Variants in CNTN5 observed in about 807,000 individuals in gnomAD.
CNTN5 encodes contactin 5.
CNTN5 carries 77 observed loss-of-function variants against 129.1 expected under a neutral mutation model. The observed-to-expected ratio is 0.60, with a 90% CI of 0.50 to 0.72. The LOEUF (loss-of-function observed/expected upper bound fraction) is 0.72, where lower values mean the gene tolerates loss of function less well. Among genes scored for constraint, CNTN5 ranks in the 30% least tolerant of loss-of-function variants. The pLI is 0.00. For synonymous variants in CNTN5, 509 were observed against 465.6 expected (o/e 1.09, Z -1.20); for missense variants, 1,478 against 1,328.8 (o/e 1.11, Z -1.75).
intron 1 of CNTN5, among the ~76,000 whole-genome samples, chr11:99,302,881 A>C (rs1864706949): frequency 6.6e-6 from 1 of 151,472 alleles, no homozygotes; most frequent in African/African-American, 2.4e-5. Context: ...GGAATGGAAC[A>C]CTAGACTTCA....
intron 3 of CNTN5, among the ~76,000 whole-genome samples, chr11:99,617,058 C>A (rs886386388): frequency 1.3e-5 from 2 of 152,162 alleles, no homozygotes; most frequent in African/African-American, 4.8e-5. Flanking sequence ...TTGCAGTGAG[C>A]CAAGATTGTG....
intron 2 of CNTN5, among the ~76,000 whole-genome samples, chr11:99,473,016 G>A (rs574584858): frequency 9.2e-5 from 14 of 152,082 alleles, no homozygotes; most frequent in Admixed American, 3.9e-4. Context: ...ATAAATATTC[G>A]AATTAATTAA....
Position 99,022,758 on chromosome 11 carries a change from G to A in CNTN5, c.-210+1488G>A, listed in dbSNP as rs146514278. ...AAGAATAGAATTTGACAAATAGCTGGAGTGTGAGGGAATGATATTAAAGCC... is the reference window on the plus strand; with the variant it reads ...AAGAATAGAATTTGACAAATAGCTGAAGTGTGAGGGAATGATATTAAAGCC... On this transcript the variant is annotated intron_variant, in intron 1 of 24. Coordinates refer to ENST00000524871, the MANE Select transcript of CNTN5 (RefSeq NM_014361.4). Among the ~76,000 whole-genome samples, 365 of 152,248 alleles carry A rather than the reference G, an allele frequency of 2.4e-3. 1 individual carries two copies. Among genetic ancestry groups the A allele is most frequent in the African/African-American group, 8.4e-3 (350 of 41,564 alleles).
At chr11:99,750,909 G>A (rs7111790) in intron 3 of CNTN5, among the ~76,000 whole-genome samples, 32,547 of 152,066 alleles carry the variant, frequency 0.21, 4,355 homozygotes, top group East Asian at 0.63. Context: ...TTAGAAAGCA[G>A]ATTTAACTAT....
At chr11:99,979,893 G>A (rs959365650) in intron 8 of CNTN5, among the ~76,000 whole-genome samples, 38 of 152,284 alleles carry the variant, frequency 2.5e-4, no homozygotes, top group Admixed American at 9.2e-4. Context: ...CCTGGCTCTG[G>A]CATTTAAGAG....
intron 13 of CNTN5, among the ~76,000 whole-genome samples, chr11:100,175,823 C>T (rs1193626442): frequency 6.6e-6 from 1 of 152,122 alleles, no homozygotes; most frequent in Non-Finnish European, 1.5e-5. Flanking sequence ...ATGTCTGACA[C>T]ATGAGGTGAT....
At chr11:99,437,473 A>G (rs887185948) in intron 2 of CNTN5, among the ~76,000 whole-genome samples, 1 of 152,244 alleles carries the variant, frequency 6.6e-6, no homozygotes, top group Non-Finnish European at 1.5e-5. Context: ...AAACACTTAA[A>G]CAATATTTCC....
intron 1 of CNTN5, among the ~76,000 whole-genome samples, chr11:99,210,015 A>G (rs1859685559): frequency 6.6e-6 from 1 of 152,174 alleles, no homozygotes; most frequent in Non-Finnish European, 1.5e-5. Context: ...GTCTAAAATA[A>G]GCCTATAGCT....
chr11:100,103,725 T>C (rs1204162517), intron 13 of CNTN5, among the ~76,000 whole-genome samples: 2 of 152,162 alleles, frequency 1.3e-5, no homozygotes, highest in Non-Finnish European at 2.9e-5. Flanking sequence ...AAAGTTTACT[T>C]ACCAGTGCCT....
chr11:99,733,193 G>A (rs1483684315), intron 3 of CNTN5, among the ~76,000 whole-genome samples: 1 of 151,824 alleles, frequency 6.6e-6, no homozygotes, highest in African/African-American at 2.4e-5. Context: ...CATGGTGAGG[G>A]GTGCCTGTAA....
chr11:99,566,210 T>C (rs926274181), intron 3 of CNTN5, among the ~76,000 whole-genome samples: 1 of 152,078 alleles, frequency 6.6e-6, no homozygotes, highest in African/African-American at 2.4e-5. Context: ...ATCTGGTTGT[T>C]TAAAAGAGTG....
At chr11:99,115,052 C>T (rs1857979264) in intron 1 of CNTN5, among the ~76,000 whole-genome samples, 1 of 152,122 alleles carries the variant, frequency 6.6e-6, no homozygotes, top group African/African-American at 2.4e-5. Context: ...GTCTTTTTAA[C>T]CAGAAAGCAG....
intron 3 of CNTN5, among the ~76,000 whole-genome samples, chr11:99,656,734 C>G (rs560239789): frequency 6.6e-6 from 1 of 152,076 alleles, no homozygotes; most frequent in African/African-American, 2.4e-5. Context: ...AACAAGGCTG[C>G]AAAACACCAG....
chr11:99,091,339 G>T (rs913229777), intron 1 of CNTN5, among the ~76,000 whole-genome samples: 1 of 152,292 alleles, frequency 6.6e-6, no homozygotes, highest in African/African-American at 2.4e-5. Context: ...GGGCTAATCA[G>T]GAAAACAGAA....
At chr11:100,233,881 A>C (rs923158188) in intron 16 of CNTN5, among the ~76,000 whole-genome samples, 23 of 152,176 alleles carry the variant, frequency 1.5e-4, no homozygotes, top group African/African-American at 5.5e-4. Context: ...ACAGAATGGG[A>C]TAAAATTTTT....
intron 3 of CNTN5, among the ~76,000 whole-genome samples, chr11:99,682,134 T>G (rs1953583765): frequency 6.6e-6 from 1 of 152,098 alleles, no homozygotes; most frequent in South Asian, 2.1e-4. Flanking sequence ...ATAATGAGTT[T>G]CATCTAAATA....
chr11:99,633,059 G>T (rs1951423255), intron 3 of CNTN5, among the ~76,000 whole-genome samples: 1 of 152,112 alleles, frequency 6.6e-6, no homozygotes, highest in Non-Finnish European at 1.5e-5. Context: ...GTAAAAGTAT[G>T]AGTCAGGTCA....
intron 3 of CNTN5, among the ~76,000 whole-genome samples, chr11:99,607,865 C>T (rs954582531): frequency 7.7e-6 from 1 of 129,216 alleles, no homozygotes; most frequent in African/African-American, 2.9e-5. Flanking sequence ...AAACCAAACA[C>T]CGCATATTCT....
At chr11:99,342,010 CA>C (rs1161167108) in intron 2 of CNTN5, among the ~76,000 whole-genome samples, 7 of 152,048 alleles carry the variant, frequency 4.6e-5, no homozygotes, top group Non-Finnish European at 4.4e-5. Context: ...AAACTTGATT[CA>C]AGAGCATCTT....
Sources: allele counts gnomAD v4.1 joint callset (sites outside exome capture counted in the v4.1 genomes callset), GRCh38; gene constraint gnomAD v4.1.1; transcripts MANE v1.5; gene names NCBI Gene and HGNC (gene_info 2026-07-23, HGNC 2026-07-21).